TBC1D19: variants seen among roughly 807,000 people sequenced by gnomAD.
TBC1D19 encodes the protein TBC1 domain family, member 19.
TBC1D19 carries 60 observed loss-of-function variants against 89.0 expected under a neutral mutation model. That is an observed-to-expected ratio of 0.67 (90% CI 0.55 to 0.84). TBC1D19 has a LOEUF of 0.84. TBC1D19 is among the 40% of genes least tolerant of loss of function. TBC1D19 has a pLI of 0.00. For synonymous variants in TBC1D19, 189 were observed against 199.7 expected, an observed-to-expected ratio of 0.95 and a Z score of 0.45; for missense variants, 500 against 610.8, an observed-to-expected ratio of 0.82 and a Z score of 1.91.
the TBC1D19 span, among the ~76,000 whole-genome samples, chr4:26,834,658 AC>A: frequency 1.3e-5 from 2 of 151,516 alleles, no homozygotes; most frequent in Non-Finnish European, 2.9e-5. Flanking sequence ...AAAACTACTC[AC>A]CCCCAGTCCT....
chr4:26,705,031 T>A (rs1715630431), intron 13 of TBC1D19, among the ~76,000 whole-genome samples: 1 of 142,964 alleles, frequency 7.0e-6, no homozygotes, highest in African/African-American at 3.0e-5. Context: ...ATATTGAGCA[T>A]CTTTTCTTGT....
At chr4:26,849,024 T>C in the TBC1D19 span, among the ~76,000 whole-genome samples, 1 of 152,056 alleles carries the variant, frequency 6.6e-6, no homozygotes, top group East Asian at 1.9e-4. Flanking sequence ...AAACAAAAAT[T>C]AGCTGGGCCA....
chr4:26,670,172 T>G (rs995626549), intron 9 of TBC1D19, among the ~76,000 whole-genome samples: 3 of 151,332 alleles, frequency 2.0e-5, no homozygotes, highest in Admixed American at 1.3e-4. Context: ...CTGATTAAAA[T>G]GAAACTGTAT....
intron 13 of TBC1D19, among the ~76,000 whole-genome samples, chr4:26,714,187 A>G (rs1435921901): frequency 1.3e-5 from 2 of 152,170 alleles, no homozygotes; most frequent in African/African-American, 4.8e-5. Flanking sequence ...CTCTACCAAA[A>G]AAATTAAAAA....
rs1335047015 is a variant in TBC1D19 at position 26,755,428 on chromosome 4, A to G, written c.*481A>G. The G allele has an allele frequency of 1.3e-5, 2 of 152,106 alleles. No individual in the cohort carries two copies. Among genetic ancestry groups the G allele is most frequent in the East Asian group, 1.9e-4 (1 of 5,192 alleles). The allele number at this position is 152,106 out of a possible 1,614,324, so 9.4% of individuals were successfully genotyped here. On this transcript the variant is annotated 3_prime_UTR_variant, in exon 21 of 21. Transcript: ENST00000264866. ...GGTGTGAGAACACTTGAAAAAGATA[A>G]TGTTTTTAAGTAGGAATTCAAAAGT...
intron 19 of TBC1D19, 57 bp downstream of exon 19, chr4:26,748,583 T>C (rs1351460013): frequency 8.0e-6 from 10 of 1,243,356 alleles, no homozygotes; most frequent in South Asian, 6.3e-5. Flanking sequence ...AGTCCCCTTT[T>C]CTTCCTAACA....
chr4:26,596,303 T>C (rs2109967186), intron 1 of TBC1D19, among the ~76,000 whole-genome samples: 1 of 152,332 alleles, frequency 6.6e-6, no homozygotes, highest in Middle Eastern at 3.4e-3. Context: ...GGATTTTCTA[T>C]GCTTCTGTTG....
At chr4:26,606,069 A>G (rs1348437374) in intron 1 of TBC1D19, among the ~76,000 whole-genome samples, 1 of 152,170 alleles carries the variant, frequency 6.6e-6, no homozygotes, top group African/African-American at 2.4e-5. Flanking sequence ...GGTTGGTCTC[A>G]AAGTCCTGGA....
intron 9 of TBC1D19, 40 bp downstream of exon 9, chr4:26,666,445 AGAGT>A: frequency 6.5e-7 from 1 of 1,541,094 alleles, no homozygotes; most frequent in South Asian, 1.2e-5. Context: ...ATGATAAATG[AGAGT>A]GAGCCTAAGG....
intron 1 of TBC1D19, among the ~76,000 whole-genome samples, chr4:26,592,415 T>C (rs1378331271): frequency 6.6e-6 from 1 of 152,176 alleles, no homozygotes; most frequent in Admixed American, 6.5e-5. Context: ...AGCATTCCCT[T>C]TGAAAACTGG....
the TBC1D19 span, among the ~76,000 whole-genome samples, chr4:26,788,866 T>C: frequency 6.6e-6 from 1 of 152,150 alleles, no homozygotes; most frequent in Non-Finnish European, 1.5e-5. Context: ...CCTCTCAAAT[T>C]CTCAAGCACT....
chr4:26,828,415 A>G, the TBC1D19 span, among the ~76,000 whole-genome samples: 3 of 152,244 alleles, frequency 2.0e-5, no homozygotes, highest in African/African-American at 7.2e-5. Context: ...GTTTCATAGA[A>G]TGTTGGAGCT....
the TBC1D19 span, among the ~76,000 whole-genome samples, chr4:26,846,254 C>T: frequency 2.0e-5 from 3 of 152,084 alleles, no homozygotes; most frequent in Non-Finnish European, 4.4e-5. Flanking sequence ...TGTACACATT[C>T]AGTTTTACTG....
intron 8 of TBC1D19, among the ~76,000 whole-genome samples, chr4:26,664,747 C>T (rs185680739): frequency 5.9e-5 from 9 of 151,914 alleles, no homozygotes; most frequent in African/African-American, 2.2e-4. Flanking sequence ...GTTTATATCC[C>T]GATCATTGTC....
intron 1 of TBC1D19, among the ~76,000 whole-genome samples, chr4:26,588,532 C>G (rs746511417): frequency 4.0e-5 from 6 of 151,386 alleles, no homozygotes; most frequent in Non-Finnish European, 5.9e-5. Flanking sequence ...GACCTTTATT[C>G]TCTTCTAATT....
At chr4:26,785,709 G>C in the TBC1D19 span, among the ~76,000 whole-genome samples, 1 of 151,852 alleles carries the variant, frequency 6.6e-6, no homozygotes, top group Non-Finnish European at 1.5e-5. Flanking sequence ...GTGTGTGTGT[G>C]TAGAGATGAC....
rs573029265 is a variant in TBC1D19, at chr4:26,588,024, C to CTTTT, written c.99+3748_99+3751dup. On this transcript the variant is annotated intron_variant, in intron 1 of 20. Transcript: ENST00000264866. ...CCTTCCTTATACTGTCATATGTGTT[C>CTTTT]TTTTTTTTTTTTTTTTTTTGAGGTG... 6.3e-3 allele frequency among the ~76,000 whole-genome samples: 756 copies of CTTTT among 119,262 alleles called. 17 individuals are homozygous for CTTTT. The highest frequency in any genetic ancestry group is 0.024 in the African/African-American group (724 of 30,518). 78.2% of individuals were successfully genotyped at this position (119,262 alleles called of 152,430 possible). A position where few individuals can be genotyped will look rare whatever the true frequency, so the allele number is the denominator to read the frequency against.
the TBC1D19 span, among the ~76,000 whole-genome samples, chr4:26,846,506 C>G: frequency 6.6e-6 from 1 of 152,112 alleles, no homozygotes; most frequent in Non-Finnish European, 1.5e-5. Context: ...CTCCCATTGT[C>G]AAATGGATTG....
In TBC1D19 at chr4:26,755,675, A is replaced by G. The variant is rs1309413379; in HGVS notation, c.*728A>G. Among the ~76,000 whole-genome samples the G allele has an allele frequency of 2.0e-5, 3 of 152,170 alleles. No homozygotes were observed. The highest frequency in any genetic ancestry group is 4.8e-5 in the African/African-American group (2 of 41,456). On this transcript the variant is annotated 3_prime_UTR_variant, in exon 21 of 21. Coordinates refer to ENST00000264866, the MANE Select transcript of TBC1D19 (RefSeq NM_018317.4). ...TTGCTTAGAAGACTTGACATTGCCG[A>G]TGCTTGTTGCCAGCTTCTGTTACTT... is the stretch of plus-strand genomic sequence containing the variant.
Sources: gnomAD v4.1 joint callset for allele counts (sites outside exome capture counted in the v4.1 genomes callset) on GRCh38, gnomAD v4.1.1 for gene constraint, MANE v1.5 for transcripts, NCBI Gene and HGNC (gene_info 2026-07-23, HGNC 2026-07-21) for gene names.